The following GRID2IP variants were observed in gnomAD, a reference collection of about 807,000 sequenced individuals.
The protein encoded by GRID2IP is Grid2 interacting protein, also known as delphilin.
In GRID2IP, 78 loss-of-function variants were observed where a neutral mutation model predicts 114.3. That is an observed-to-expected ratio of 0.68 (90% CI 0.57 to 0.82). The LOEUF (loss-of-function observed/expected upper bound fraction) is 0.82, where lower values mean the gene tolerates loss of function less well. GRID2IP is among the 40% of genes least tolerant of loss of function. The pLI is 0.00. For synonymous variants in GRID2IP, 809 were observed against 724.0 expected, an observed-to-expected ratio of 1.12 and a Z score of -1.89; for missense variants, 1,727 against 1,678.5, an observed-to-expected ratio of 1.03 and a Z score of -0.51.
intron 7 of GRID2IP, among the ~76,000 whole-genome samples, chr7:6,515,934 T>C (rs911970720): frequency 1.3e-5 from 2 of 149,084 alleles, no homozygotes; most frequent in Non-Finnish European, 3.0e-5. Context: ...CCCTCTCTAC[T>C]AAAAATACAA....
At position 6,508,285 on chromosome 7, in the gene GRID2IP, G is replaced by T. The variant is rs1184566787; in HGVS notation, c.2244C>A (p.His748Gln). 3.2e-6 allele frequency: 5 copies of T among 1,547,728 alleles called. No individual in the cohort carries two copies. Among genetic ancestry groups the T allele is most frequent in the Non-Finnish European group, 4.4e-6 (5 of 1,145,930 alleles). The part of the protein sequence containing the change: ...SSLTYSSISD[H>Q]IPPPPLSPPP... ...GGGGGCTGAGCGGGGGTGGGGGGAT[G>T]TGGTCAGAGATGGAGGAGTAGGTCA... Residue 748 changes from histidine (H) to glutamine (Q), a missense_variant, in exon 13 of 22, where the codon CAC becomes CAA. Physicochemically the swap from His to Gln is conservative, Grantham distance 24. Coordinates refer to ENST00000457091, the MANE Select transcript of GRID2IP (RefSeq NM_001145118.2). The surrounding 1 kb of genome is among the most constrained non-coding windows in gnomAD (Gnocchi z 5.6).
Position 6,503,627 on chromosome 7 carries a change from A to T in GRID2IP, c.2771T>A (p.Met924Lys). 6.5e-7 allele frequency: 1 copy of T among 1,528,136 alleles called. No homozygotes were observed. The highest frequency in any genetic ancestry group is 8.7e-7 in the Non-Finnish European group (1 of 1,144,042). The allele number at this position is 1,528,136 out of a possible 1,614,324, so 94.7% of individuals were successfully genotyped here. A position where few individuals can be genotyped will look rare whatever the true frequency, so the allele number is the denominator to read the frequency against. Residue 924 changes from methionine to lysine, a missense_variant, in exon 16 of 22, where the codon ATG becomes AAG. By Grantham distance (95) the Met-to-Lys change is moderately conservative. Coordinates refer to ENST00000457091, the MANE Select transcript of GRID2IP (RefSeq NM_001145118.2). ...TGCGGGCTCCAGGCGCCGGGGCTCCATGCTCATCAGCACCTGGCGCAGCTC... is the reference window on the plus strand; with the variant it reads ...TGCGGGCTCCAGGCGCCGGGGCTCCTTGCTCATCAGCACCTGGCGCAGCTC... Reference protein sequence around the residue: ...PAELRQVLMSMEPRRLEPAHL... With the variant: ...PAELRQVLMSKEPRRLEPAHL...
rs529362801 is a variant in GRID2IP, at chr7:6,548,218, T to C, written c.429+2790A>G. ...AAATACAAAAATTAGCCAGGCATGGTGGTGGGGGCCTGTAATCCCAGCTCC... is the reference window on the plus strand; with the variant it reads ...AAATACAAAAATTAGCCAGGCATGGCGGTGGGGGCCTGTAATCCCAGCTCC... On this transcript the variant is annotated intron_variant, in intron 1 of 21. Coordinates refer to ENST00000457091, the MANE Select transcript of GRID2IP (RefSeq NM_001145118.2). 9.2e-5 allele frequency among the ~76,000 whole-genome samples: 14 copies of C among 151,842 alleles called. No individual in the cohort carries two copies. In the South Asian group the frequency reaches 2.3e-3, roughly 25 times the overall value.
intron 9 of GRID2IP, 37 bp downstream of exon 9, chr7:6,510,871 A>G (rs766006438): frequency 5.8e-6 from 9 of 1,542,872 alleles, no homozygotes; most frequent in Admixed American, 2.0e-5. Context: ...GGGAAAACTG[A>G]GCTCCATTCA....
chr7:6,536,554 G>A lies in GRID2IP; in HGVS notation c.584+3164C>T, dbSNP rs1165051641. 6.6e-6 allele frequency among the ~76,000 whole-genome samples: 1 copy of A among 152,054 alleles called. No individual in the cohort carries two copies. ...GGCAGGAACAGACACCGGCAGCGCT[G>A]TGGGAGAGGAGAACCGAGAGGGCCT... On this transcript the variant is annotated intron_variant, in intron 2 of 21. Coordinates refer to ENST00000457091, the MANE Select transcript of GRID2IP (RefSeq NM_001145118.2). This position sits in a 1 kb window ranked among gnomAD's most constrained non-coding sequence, Gnocchi z 5.3.
In GRID2IP at chr7:6,509,376, T is replaced by A; in HGVS notation, c.1772-63A>T. The A allele has an allele frequency of 1.4e-6, 2 of 1,400,226 alleles. No individual in the cohort carries two copies. Among genetic ancestry groups the A allele is most frequent in the Non-Finnish European group, 1.9e-6 (2 of 1,052,484 alleles). 86.7% of individuals were successfully genotyped at this position (1,400,226 alleles called of 1,614,324 possible). A position where few individuals can be genotyped will look rare whatever the true frequency, so the allele number is the denominator to read the frequency against. ...CAGCACCGAGGTTCCAGGTGCAAGC[T>A]GGAGAGAGGGTCCTAGGACAGACTG... On this transcript the variant is annotated intron_variant, in intron 11 of 21. Transcript: ENST00000457091. The surrounding 1 kb of genome is among the most constrained non-coding windows in gnomAD (Gnocchi z 4.9).
At chr7:6,514,661 A>G (rs555331608) in intron 7 of GRID2IP, 132 bp from the exon 8 acceptor site, 3 of 756,108 alleles carry the variant, frequency 4.0e-6, no homozygotes, top group African/African-American at 1.8e-5. Flanking sequence ...CTTCAAAGAC[A>G]GAAGTGGGGG....
rs779864312 is a variant in GRID2IP at position 6,498,180 on chromosome 7, G to C, written c.3448C>G (p.Gln1150Glu). 7 of 1,550,748 alleles carry C rather than the reference G, an allele frequency of 4.5e-6. No homozygotes were observed. Among genetic ancestry groups the C allele is most frequent in the Middle Eastern group, 1.7e-4 (1 of 5,986 alleles). Reference sequence around the variant, plus strand: ...CCCAGCTCCTCCATGGCCTCGCGCTGCAGCCCGTCGAGCGCCCGAAGTGCT... The same window carrying C: ...CCCAGCTCCTCCATGGCCTCGCGCTCCAGCCCGTCGAGCGCCCGAAGTGCT... ...QPALRALDGL[Q>E]REAMEELGKA... The change falls in exon 21 of 22, where the codon CAG (glutamine) becomes GAG (glutamate). Residue 1150 changes from glutamine to glutamate, a missense_variant. Gln to Glu is a conservative substitution (Grantham distance 29, BLOSUM62 2). Coordinates refer to ENST00000457091, the MANE Select transcript of GRID2IP (RefSeq NM_001145118.2).
In GRID2IP at chr7:6,509,277, T is replaced by G. The variant is rs1306669121; in HGVS notation, c.1808A>C (p.Glu603Ala). The G allele has an allele frequency of 1.3e-6, 2 of 1,527,358 alleles. No individual in the cohort carries two copies. The highest frequency in any genetic ancestry group is 2.5e-5 in the East Asian group (1 of 40,610). The allele number at this position is 1,527,358 out of a possible 1,614,324, so 94.6% of individuals were successfully genotyped here. A position where few individuals can be genotyped will look rare whatever the true frequency, so the allele number is the denominator to read the frequency against. Residue 603 changes from glutamate (E) to alanine (A), a missense_variant, in exon 12 of 22, where the codon GAG becomes GCG. Transcript: ENST00000457091. This position sits in a 1 kb window ranked among gnomAD's most constrained non-coding sequence, Gnocchi z 4.9. The part of the protein sequence containing the change: ...RTLSGVSWPS[E>A]RLLPSPCYHP... ...GTAGCAGGGGGAGGGCAAGAGTCGC[T>G]CGCTGGGCCATGAGACGCCGGACAG... is the stretch of plus-strand genomic sequence containing the variant.
At chr7:6,517,190 G>T (rs767513409) in intron 7 of GRID2IP, among the ~76,000 whole-genome samples, 12 of 151,714 alleles carry the variant, frequency 7.9e-5, no homozygotes, top group Non-Finnish European at 1.5e-4. Context: ...GAGTAGCTGG[G>T]ACTACAGGCG....
intron 20 of GRID2IP, among the ~76,000 whole-genome samples, chr7:6,498,458 C>A (rs1028343195): frequency 6.6e-6 from 1 of 152,086 alleles, no homozygotes; most frequent in Non-Finnish European, 1.5e-5. Context: ...AGGCCATTCA[C>A]CCCTGTTCTC....
Position 6,497,775 on chromosome 7 carries a change from C to A in GRID2IP, c.3635G>T (p.Ter1212LeuextTer74). 6.5e-7 allele frequency: 1 copy of A among 1,549,476 alleles called. No homozygotes were observed. The highest frequency in any genetic ancestry group is 2.0e-5 in the Admixed American group (1 of 50,930). ...GCAGAGGACGCGGTGTGGCCACTGTCACCAGGCCAGGGGTGAAACCATCCC... is the reference window on the plus strand; with the variant it reads ...GCAGAGGACGCGGTGTGGCCACTGTAACCAGGCCAGGGGTGAAACCATCCC... ...SSGMVSPLAW[*>L] The change falls in exon 22 of 22, where the codon TGA (stop) becomes TTA (leucine). Residue 1212 changes from the stop codon to leucine, a stop_lost. Transcript: ENST00000457091.
chr7:6,514,379 C>T lies in GRID2IP; in HGVS notation c.1419G>A (p.Met473Ile). The T allele has an allele frequency of 1.3e-6, 2 of 1,517,958 alleles. No homozygotes were observed. The highest frequency in any genetic ancestry group is 1.2e-5 in the South Asian group (1 of 80,582). 94.0% of individuals were successfully genotyped at this position (1,517,958 alleles called of 1,614,324 possible). ...GGCAGGGGAGAGGACGCTTACCTGT[C>T]ATGGCCGTGTAGCCCAGGAAGCATG... is the stretch of plus-strand genomic sequence containing the variant. The part of the protein sequence containing the change: ...KIACFLGYTA[M>I]TAEPEPELDL... Residue 473 changes from methionine to isoleucine, a missense_variant, in exon 8 of 22, where the codon ATG becomes ATA. Physicochemically the swap from Met to Ile is conservative, Grantham distance 10. Transcript: ENST00000457091.
chr7:6,547,701 T>C (rs907586699), intron 1 of GRID2IP, among the ~76,000 whole-genome samples: 2 of 152,162 alleles, frequency 1.3e-5, no homozygotes, highest in Non-Finnish European at 2.9e-5. Context: ...TGTGTGTATC[T>C]GGCCACAGAG....
chr7:6,531,303 T>G (rs1779618811), intron 2 of GRID2IP: 2 of 396,766 alleles, frequency 5.0e-6, no homozygotes, highest in Non-Finnish European at 8.9e-6. Flanking sequence ...TCTGCCCTGC[T>G]GGGACCCTTT....
At position 6,519,620 on chromosome 7, in the gene GRID2IP, G is replaced by T. The variant is rs1779375563; in HGVS notation, c.1268+958C>A. Among the ~76,000 whole-genome samples, 1 of 152,070 alleles carries T rather than the reference G, an allele frequency of 6.6e-6. No homozygotes were observed. Among genetic ancestry groups the T allele is most frequent in the Non-Finnish European group, 1.5e-5 (1 of 68,010 alleles). On this transcript the variant is annotated intron_variant, in intron 7 of 21. Transcript: ENST00000457091. The surrounding 1 kb of genome is among the most constrained non-coding windows in gnomAD (Gnocchi z 4.1). ...TAAAAGTACAAAATTAGCCAGGCGTGGTGGCATATGCCTGTAATCCCAGCT... is the reference window on the plus strand; with the variant it reads ...TAAAAGTACAAAATTAGCCAGGCGTTGTGGCATATGCCTGTAATCCCAGCT...
chr7:6,524,792 C>T (rs1263039257), intron 4 of GRID2IP, among the ~76,000 whole-genome samples: 1 of 151,670 alleles, frequency 6.6e-6, no homozygotes, highest in African/African-American at 2.4e-5. Context: ...TCTCAGCTCA[C>T]TGCAAGCTCC....
chr7:6,502,261 G>A (rs1342648255), intron 18 of GRID2IP, 143 bp from the exon 19 acceptor site: 1 of 751,154 alleles, frequency 1.3e-6, no homozygotes, highest in East Asian at 2.7e-5. Flanking sequence ...GTCTTGCTCT[G>A]TTGCCCAGGC....
chr7:6,551,306 C>G lies in GRID2IP; in HGVS notation c.131G>C (p.Arg44Pro). The change falls in exon 1 of 22, where the codon CGG becomes CCG. Residue 44 changes from arginine (R) to proline (P), a missense_variant. Coordinates refer to ENST00000457091, the MANE Select transcript of GRID2IP (RefSeq NM_001145118.2). Reference sequence around the variant, plus strand: ...CACCTCCAGGATCTGGTCTCCTGGCCGCAGTCCTCCGGCATGCGCGCTGCT... The same window carrying G: ...CACCTCCAGGATCTGGTCTCCTGGCGGCAGTCCTCCGGCATGCGCGCTGCT... ...KGSSAHAGGLRPGDQILEVEG... is the reference protein window; with the variant it reads ...KGSSAHAGGLPPGDQILEVEG... The G allele has an allele frequency of 6.5e-7, 1 of 1,544,118 alleles. No individual in the cohort carries two copies. Among genetic ancestry groups the G allele is most frequent in the Non-Finnish European group, 8.7e-7 (1 of 1,146,564 alleles).
Sources: gnomAD v4.1 joint callset for allele counts (sites outside exome capture counted in the v4.1 genomes callset) on GRCh38, gnomAD v4.1.1 for gene constraint, Gnocchi (gnomAD v3.1) non-coding constraint, MANE v1.5 for transcripts, NCBI Gene and HGNC (gene_info 2026-07-23, HGNC 2026-07-21) for gene names.